Variants in ERG observed in about 807,000 individuals in gnomAD.
ERG encodes ETS transcription factor ERG, also known as transcriptional regulator ERG.
ERG carries 9 observed loss-of-function variants against 55.3 expected under a neutral mutation model. The ratio of observed to expected loss-of-function variants is 0.16; its 90% CI spans 0.10 to 0.28. ERG has a LOEUF of 0.28. Ranked by LOEUF, ERG falls within the 10% of genes least tolerant of loss-of-function variation. The pLI, the probability that ERG is intolerant of heterozygous loss-of-function variation, is 1.00. For synonymous variants in ERG, 223 were observed against 237.3 expected (o/e 0.94, Z 0.55); for missense variants, 434 against 631.6 (o/e 0.69, Z 3.35).
At chr21:38,606,206 T>G (rs1276650482) in intron 1 of ERG, among the ~76,000 whole-genome samples, 10 of 152,060 alleles carry the variant, frequency 6.6e-5, no homozygotes, top group Non-Finnish European at 1.5e-4. Context: ...GATAGGTAGA[T>G]AGATGATACA....
chr21:38,444,770 G>A (rs1020468150), intron 2 of ERG, among the ~76,000 whole-genome samples: 6 of 150,916 alleles, frequency 4.0e-5, no homozygotes, highest in Non-Finnish European at 7.4e-5. Flanking sequence ...GAAGAGGACC[G>A]CAGAGATCAG....
At chr21:38,649,920 C>A (rs1043648212) in intron 1 of ERG, among the ~76,000 whole-genome samples, 3 of 152,200 alleles carry the variant, frequency 2.0e-5, no homozygotes, top group African/African-American at 7.2e-5. Flanking sequence ...GACGCGAGAA[C>A]ACACAGTCAT....
chr21:38,524,793 CAG>C (rs1252668454), intron 2 of ERG, among the ~76,000 whole-genome samples: 6 of 152,178 alleles, frequency 3.9e-5, no homozygotes, highest in African/African-American at 1.4e-4. Flanking sequence ...GAAACAGTAA[CAG>C]TGTCCTTTAT....
chr21:38,423,296 G>A, intron 3 of ERG, 114 bp downstream of exon 3: 1 of 1,146,658 alleles, frequency 8.7e-7, no homozygotes, highest in South Asian at 1.6e-5. Context: ...GCCCTGCTCT[G>A]GACAAAGGAG....
intron 3 of ERG, among the ~76,000 whole-genome samples, chr21:38,404,512 C>T (rs553795750): frequency 3.3e-5 from 5 of 152,266 alleles, no homozygotes; most frequent in Admixed American, 1.3e-4. Flanking sequence ...AAACGCCAGC[C>T]GGGATGTCCT....
At chr21:38,580,993 A>G (rs2060025047) in intron 1 of ERG, among the ~76,000 whole-genome samples, 1 of 152,238 alleles carries the variant, frequency 6.6e-6, no homozygotes, top group Non-Finnish European at 1.5e-5. Context: ...CCACATGGCC[A>G]CACTCCATTC....
At chr21:38,624,183 G>A (rs1465359017) in intron 1 of ERG, among the ~76,000 whole-genome samples, 1 of 151,958 alleles carries the variant, frequency 6.6e-6, no homozygotes, top group Non-Finnish European at 1.5e-5. Context: ...ATCCAGCCTC[G>A]GCAAAGCCCT....
the ERG span, among the ~76,000 whole-genome samples, chr21:38,374,166 C>A: frequency 6.6e-6 from 1 of 152,212 alleles, no homozygotes; most frequent in East Asian, 1.9e-4. Flanking sequence ...CTCTCTTGTG[C>A]TCCAACCCTT....
At chr21:38,451,604 T>C (rs1032698097) in intron 1 of ERG, among the ~76,000 whole-genome samples, 1 of 152,220 alleles carries the variant, frequency 6.6e-6, no homozygotes, top group Non-Finnish European at 1.5e-5. Context: ...CTATTGTTTA[T>C]AGTTTCTCTT....
At chr21:38,570,214 TG>T (rs1190559811) in intron 2 of ERG, among the ~76,000 whole-genome samples, 5 of 152,166 alleles carry the variant, frequency 3.3e-5, no homozygotes, top group Admixed American at 6.5e-5. Context: ...GTTATTAACT[TG>T]TTTTATTTGC....
chr21:38,592,451 T>C (rs9976134), intron 1 of ERG, among the ~76,000 whole-genome samples: 62,384 of 151,680 alleles, frequency 0.41, 13,346 homozygotes, highest in Middle Eastern at 0.57. Flanking sequence ...GGAGGCGGAG[T>C]TCCAAATCTG....
chr21:38,584,101 A>G (rs990740828), intron 1 of ERG, among the ~76,000 whole-genome samples: 13 of 152,322 alleles, frequency 8.5e-5, no homozygotes, highest in African/African-American at 2.9e-4. Context: ...TGGTCAAGGC[A>G]TGTCTCAGGC....
chr21:38,492,084 T>C (rs2059341232), intron 1 of ERG, among the ~76,000 whole-genome samples: 1 of 151,826 alleles, frequency 6.6e-6, no homozygotes, highest in Middle Eastern at 3.4e-3. Flanking sequence ...CTCTGCACAG[T>C]AATTCACTAT....
chr21:38,558,654 GAATT>G (rs960122949), intron 2 of ERG, among the ~76,000 whole-genome samples: 5 of 152,156 alleles, frequency 3.3e-5, no homozygotes, highest in African/African-American at 1.2e-4. Flanking sequence ...TCTTCCTTGG[GAATT>G]ACTTTCTTTC....
chr21:38,406,770 G>T (rs1397783219), intron 3 of ERG, among the ~76,000 whole-genome samples: 2 of 151,960 alleles, frequency 1.3e-5, no homozygotes, highest in Non-Finnish European at 2.9e-5. Context: ...TAAACATATT[G>T]TCTGAAAGCC....
chr21:38,370,257 T>C, the ERG span, among the ~76,000 whole-genome samples: 1 of 152,258 alleles, frequency 6.6e-6, no homozygotes, highest in East Asian at 1.9e-4. Flanking sequence ...AAGTGATCTA[T>C]TCAATTCTTT....
chr21:38,634,486 T>G lies in ERG; in HGVS notation c.-150+27172A>C, dbSNP rs147605838. Among the ~76,000 whole-genome samples, 366 of 152,314 alleles carry G rather than the reference T, an allele frequency of 2.4e-3. 4 individuals are homozygous for G. The highest frequency in any genetic ancestry group is 7.9e-3 in the African/African-American group (329 of 41,586). On this transcript the variant is annotated intron_variant, in intron 1 of 10. Coordinates refer to the ERG transcript ENST00000398910. Reference sequence around the variant, plus strand: ...ATTAAGAATGCCAAGAAGAAACTTCTAACTAGACCCCAAATATCTGGTGTA... The same window carrying G: ...ATTAAGAATGCCAAGAAGAAACTTCGAACTAGACCCCAAATATCTGGTGTA...
At chr21:38,544,377 C>A (rs1047692331) in intron 2 of ERG, among the ~76,000 whole-genome samples, 2 of 152,116 alleles carry the variant, frequency 1.3e-5, no homozygotes, top group African/African-American at 4.8e-5. Flanking sequence ...CAGACCCTCG[C>A]TTGCAGAGAA....
intron 2 of ERG, among the ~76,000 whole-genome samples, chr21:38,554,838 G>GA (rs796738323): frequency 0.035 from 4,480 of 129,184 alleles, 205 homozygotes; most frequent in African/African-American, 0.11. Flanking sequence ...AGTTAGAAAG[G>GA]AAAAAAAAAA....
Sources: allele counts gnomAD v4.1 joint callset (sites outside exome capture counted in the v4.1 genomes callset), GRCh38; gene constraint gnomAD v4.1.1; transcripts MANE v1.5; gene names NCBI Gene and HGNC (gene_info 2026-07-23, HGNC 2026-07-21).